Variants in FUT9 observed in about 807,000 individuals in gnomAD.
FUT9 encodes the protein 4-galactosyl-N-acetylglucosaminide 3-alpha-L-fucosyltransferase 9.
A neutral mutation model predicts 29.7 loss-of-function variants in FUT9; 15 were observed. The ratio of observed to expected loss-of-function variants is 0.51; its 90% confidence interval spans 0.34 to 0.78. The LOEUF (loss-of-function observed/expected upper bound fraction) is 0.78, where lower values mean the gene tolerates loss of function less well. FUT9 is among the 30% of genes least tolerant of loss of function. The pLI is 0.01. For missense variants in FUT9, 319 were observed against 425.4 expected (o/e 0.75, Z 2.20); for synonymous variants, 169 against 153.7 (o/e 1.10, Z -0.74).
chr6:96,165,711 G>T (rs1249070728), intron 2 of FUT9, among the ~76,000 whole-genome samples: 1 of 151,966 alleles, frequency 6.6e-6, no homozygotes, highest in Non-Finnish European at 1.5e-5. Context: ...CACCTCCCAG[G>T]CTCAAGCCAT....
chr6:96,156,555 T>A (rs1772788670), intron 2 of FUT9, among the ~76,000 whole-genome samples: 1 of 152,156 alleles, frequency 6.6e-6, no homozygotes, highest in African/African-American at 2.4e-5. Flanking sequence ...GTATAAGGCA[T>A]AAATTCCAGG....
At chr6:96,132,925 C>CATTTATTTATTT (rs34528263) in intron 2 of FUT9, among the ~76,000 whole-genome samples, 3 of 150,356 alleles carry the variant, frequency 2.0e-5, no homozygotes, top group African/African-American at 7.3e-5. Context: ...TATCTATAGC[C>CATTTATTTATTT]ATTTATTTAT....
At chr6:96,032,454 G>A (rs1039081784) in intron 1 of FUT9, among the ~76,000 whole-genome samples, 2 of 151,424 alleles carry the variant, frequency 1.3e-5, no homozygotes, top group African/African-American at 4.8e-5. Flanking sequence ...TAGAAAGAAA[G>A]ACAAGTAGTA....
At chr6:96,030,524 G>A (rs1770243833) in intron 1 of FUT9, among the ~76,000 whole-genome samples, 1 of 151,504 alleles carries the variant, frequency 6.6e-6, no homozygotes, top group Non-Finnish European at 1.5e-5. Context: ...GTACATTGCT[G>A]GAAGGGATGC....
At chr6:96,174,319 G>T (rs751644837) in intron 2 of FUT9, among the ~76,000 whole-genome samples, 50 of 152,034 alleles carry the variant, frequency 3.3e-4, no homozygotes, top group Non-Finnish European at 6.2e-4. Flanking sequence ...GTGAACTGAG[G>T]ATTACTAATA....
At chr6:96,148,707 T>TA (rs1772619144) in intron 2 of FUT9, among the ~76,000 whole-genome samples, 1 of 152,190 alleles carries the variant, frequency 6.6e-6, no homozygotes, top group Non-Finnish European at 1.5e-5. Flanking sequence ...GTAAAATTTT[T>TA]AAAAAGTGGC....
chr6:96,022,800 A>G (rs950410330), intron 1 of FUT9, among the ~76,000 whole-genome samples: 10 of 151,890 alleles, frequency 6.6e-5, no homozygotes, highest in South Asian at 2.1e-4. Flanking sequence ...CTTCAGGATC[A>G]GGAGTTCAGT....
chr6:96,176,284 T>C (rs946091545), intron 2 of FUT9, among the ~76,000 whole-genome samples: 8 of 151,978 alleles, frequency 5.3e-5, no homozygotes, highest in Non-Finnish European at 1.2e-4. Flanking sequence ...GTTAATCCCC[T>C]CCTATTTATA....
At chr6:96,147,102 C>T (rs1413605377) in intron 2 of FUT9, among the ~76,000 whole-genome samples, 1 of 151,976 alleles carries the variant, frequency 6.6e-6, no homozygotes, top group African/African-American at 2.4e-5. Context: ...CCCTTTTTGT[C>T]ATCCAATATC....
intron 1 of FUT9, among the ~76,000 whole-genome samples, chr6:96,043,294 T>TGC: frequency 1.4e-5 from 1 of 72,866 alleles, no homozygotes; most frequent in African/African-American, 1.1e-4. Context: ...CTCGTGATCC[T>TGC]CTCGCCTCGG....
chr6:96,030,998 T>C (rs924047712), intron 1 of FUT9, among the ~76,000 whole-genome samples: 1 of 151,528 alleles, frequency 6.6e-6, no homozygotes, highest in African/African-American at 2.4e-5. Flanking sequence ...GTGCTATATC[T>C]GGATATACAC....
chr6:96,148,025 A>C (rs1772605625), intron 2 of FUT9, among the ~76,000 whole-genome samples: 1 of 137,196 alleles, frequency 7.3e-6, no homozygotes, highest in Admixed American at 8.1e-5. Context: ...TTTAAAAGCA[A>C]CTTTTATGTT....
At chr6:96,133,604 G>C (rs1772292342) in intron 2 of FUT9, among the ~76,000 whole-genome samples, 1 of 151,788 alleles carries the variant, frequency 6.6e-6, no homozygotes, top group African/African-American at 2.4e-5. Flanking sequence ...TGTCTCCTCA[G>C]GCAGTTAATT....
intron 2 of FUT9, among the ~76,000 whole-genome samples, chr6:96,128,463 A>G (rs1218809849): frequency 6.6e-6 from 1 of 152,234 alleles, no homozygotes; most frequent in Admixed American, 6.5e-5. Context: ...ACTGTATTAA[A>G]TAGTTCATAA....
intron 2 of FUT9, among the ~76,000 whole-genome samples, chr6:96,150,671 T>C (rs1004687036): frequency 1.3e-5 from 2 of 152,164 alleles, no homozygotes; most frequent in African/African-American, 4.8e-5. Flanking sequence ...ACAGTTGCAG[T>C]AGAGACTAAT....
At chr6:96,127,344 T>C (rs992503181) in intron 2 of FUT9, among the ~76,000 whole-genome samples, 13 of 152,218 alleles carry the variant, frequency 8.5e-5, no homozygotes, top group Non-Finnish European at 1.6e-4. Context: ...TTCAATTCCA[T>C]CCATGTTGCT....
intron 1 of FUT9, among the ~76,000 whole-genome samples, chr6:96,050,860 T>C (rs750734332): frequency 6.6e-6 from 1 of 152,244 alleles, no homozygotes; most frequent in Non-Finnish European, 1.5e-5. Context: ...TTAATTTATT[T>C]TGACAACTAC....
intron 1 of FUT9, among the ~76,000 whole-genome samples, chr6:96,066,792 T>G (rs1770968603): frequency 6.6e-6 from 1 of 152,070 alleles, no homozygotes; most frequent in Non-Finnish European, 1.5e-5. Flanking sequence ...ATAGACATAG[T>G]AAAGATTTTC....
chr6:96,194,326 C>T (rs977298956), intron 2 of FUT9, among the ~76,000 whole-genome samples: 1 of 152,146 alleles, frequency 6.6e-6, no homozygotes, highest in Non-Finnish European at 1.5e-5. Context: ...ATTTGCCTTT[C>T]TAACAGGATC....
Sources: gnomAD v4.1 joint callset for allele counts (sites outside exome capture counted in the v4.1 genomes callset) on GRCh38, gnomAD v4.1.1 for gene constraint, MANE v1.5 for transcripts, NCBI Gene and HGNC (gene_info 2026-07-23, HGNC 2026-07-21) for gene names.